The following SETBP1 variants were observed in gnomAD, a reference collection of about 807,000 sequenced individuals.
SETBP1 encodes SET binding protein 1.
Under a neutral mutation model 101.0 loss-of-function variants are expected in SETBP1, and 9 were observed. The ratio of observed to expected loss-of-function variants is 0.09; its 90% confidence interval spans 0.05 to 0.16. The LOEUF is 0.16. Among genes scored for constraint, SETBP1 ranks in the 10% least tolerant of loss-of-function variants. SETBP1 has a pLI of 1.00. For synonymous variants in SETBP1, 818 were observed against 788.5 expected (o/e 1.04, Z -0.63); for missense variants, 1,858 against 2,033.8 (o/e 0.91, Z 1.66).
chr18:44,923,685 A>T (rs1367928824), intron 3 of SETBP1, among the ~76,000 whole-genome samples: 1 of 152,228 alleles, frequency 6.6e-6, no homozygotes, highest in South Asian at 2.1e-4. Context: ...AACATTAAAC[A>T]GTTATCTTGA....
chr18:44,740,267 C>T (rs1434650862), intron 2 of SETBP1, among the ~76,000 whole-genome samples: 2 of 152,106 alleles, frequency 1.3e-5, no homozygotes, highest in Admixed American at 6.5e-5. Flanking sequence ...GAAGGTTGCC[C>T]ATTTTACCTT....
Position 44,869,340 on chromosome 18 carries a change from G to A in SETBP1, c.540+57G>A, listed in dbSNP as rs647155. 0.053 allele frequency: 80,830 copies of A among 1,531,066 alleles called. 2,476 individuals are homozygous for A. Among genetic ancestry groups the A allele is most frequent in the Middle Eastern group, 0.063 (372 of 5,908 alleles). The allele number at this position is 1,531,066 out of a possible 1,614,324, so 94.8% of individuals were successfully genotyped here. A position where few individuals can be genotyped will look rare whatever the true frequency, so the allele number is the denominator to read the frequency against. ...GAAGAGTAAAATGATCCAGAGTTTG[G>A]TTGTCAACAAGCACCTTTGGGGCCA... On this transcript the variant is annotated intron_variant, in intron 3 of 5. Coordinates refer to ENST00000649279, the MANE Select transcript of SETBP1 (RefSeq NM_015559.3).
chr18:44,961,618 T>C (rs2071612628), intron 4 of SETBP1, among the ~76,000 whole-genome samples: 1 of 152,282 alleles, frequency 6.6e-6, no homozygotes, highest in Admixed American at 6.5e-5. Flanking sequence ...AGAAACACAA[T>C]GCCAGATTCC....
chr18:44,971,240 G>A (rs1457851462), intron 4 of SETBP1, among the ~76,000 whole-genome samples: 1 of 152,172 alleles, frequency 6.6e-6, no homozygotes, highest in African/African-American at 2.4e-5. Context: ...ATTCCATGGT[G>A]TATATGTGCC....
chr18:44,698,330 C>T (rs1436810207), intron 1 of SETBP1, among the ~76,000 whole-genome samples: 3 of 152,196 alleles, frequency 2.0e-5, no homozygotes, highest in African/African-American at 7.2e-5. Context: ...ATTATTCCTT[C>T]TCCACTGCCA....
At chr18:44,756,011 C>T (rs1045082471) in intron 2 of SETBP1, among the ~76,000 whole-genome samples, 2 of 152,042 alleles carry the variant, frequency 1.3e-5, no homozygotes, top group South Asian at 2.1e-4. Context: ...GTCAGGAGAT[C>T]AAGACCATCC....
At chr18:44,868,662 T>G (rs2069182595) in intron 2 of SETBP1, among the ~76,000 whole-genome samples, 1 of 125,892 alleles carries the variant, frequency 7.9e-6, no homozygotes, top group African/African-American at 3.1e-5. Context: ...GCCACTGTAC[T>G]CCAGCGAGAG....
chr18:44,950,565 C>T lies in SETBP1; in HGVS notation c.1225C>T (p.Pro409Ser), dbSNP rs1740017619. Residue 409 changes from proline (P) to serine (S), a missense_variant, in exon 4 of 6, where the codon CCC (proline) becomes TCC (serine). By Grantham distance (74) the Pro-to-Ser change is moderately conservative. Around this residue, in one of 12 missense-constraint regions of SETBP1, gnomAD observed 581 missense variants for 535.1 expected, o/e 1.09. Coordinates refer to ENST00000649279, the MANE Select transcript of SETBP1 (RefSeq NM_015559.3). ...HVRITIPIKAPSLDPTNHKRK... is the reference protein window; with the variant it reads ...HVRITIPIKASSLDPTNHKRK... ...CCGGATTACTATCCCCATCAAGGCA[C>T]CCTCTCTGGATCCAACCAACCATAA... The T allele has an allele frequency of 6.2e-7, 1 of 1,614,058 alleles. No homozygotes were observed. The highest frequency in any genetic ancestry group is 1.1e-5 in the South Asian group (1 of 91,080).
intron 2 of SETBP1, among the ~76,000 whole-genome samples, chr18:44,709,157 TC>T (rs1003389871): frequency 1.3e-5 from 2 of 152,226 alleles, no homozygotes; most frequent in African/African-American, 2.4e-5. Context: ...CTTGGCTGTT[TC>T]CTCCTGGTTT....
intron 2 of SETBP1, among the ~76,000 whole-genome samples, chr18:44,739,500 G>A (rs2070051224): frequency 6.6e-6 from 1 of 152,084 alleles, no homozygotes; most frequent in South Asian, 2.1e-4. Flanking sequence ...AGAACTGTTG[G>A]AGTCATAATG....
intron 1 of SETBP1, among the ~76,000 whole-genome samples, chr18:44,690,561 G>C (rs527263482): frequency 4.3e-4 from 65 of 152,318 alleles, no homozygotes; most frequent in African/African-American, 1.5e-3. Context: ...TTTATAAATG[G>C]TGTGGTGGAG....
rs528054447 is a variant in SETBP1, at chr18:44,796,044, A to G, written c.487-73186A>G. Among the ~76,000 whole-genome samples the G allele has an allele frequency of 1.2e-4, 19 of 152,294 alleles. No homozygotes were observed. The South Asian group carries it at 3.5e-3, about 28-fold the overall frequency. On this transcript the variant is annotated intron_variant, in intron 2 of 5. Coordinates refer to ENST00000649279, the MANE Select transcript of SETBP1 (RefSeq NM_015559.3). ...ACTAACCTTCCAATTTGTGCTTCTAATCTGCTGTGGATGGGATACGACATA... is the reference window on the plus strand; with the variant it reads ...ACTAACCTTCCAATTTGTGCTTCTAGTCTGCTGTGGATGGGATACGACATA...
intron 2 of SETBP1, among the ~76,000 whole-genome samples, chr18:44,813,124 C>T (rs1370312220): frequency 6.6e-6 from 1 of 152,022 alleles, no homozygotes; most frequent in Non-Finnish European, 1.5e-5. Context: ...GTGACTTTGT[C>T]CACAAGTGTT....
chr18:44,697,620 T>C (rs986186803), intron 1 of SETBP1, among the ~76,000 whole-genome samples: 4 of 152,230 alleles, frequency 2.6e-5, no homozygotes, highest in Non-Finnish European at 5.9e-5. Flanking sequence ...GTCAGCATTA[T>C]ACAACTACAG....
rs780382672 is a variant in SETBP1, at chr18:44,989,391, C to G, written c.4000+36051C>G. ...GATTTGCTGAACTGGAAGATAGATC[C>G]AAAGAAATTATATGTAATATAGACA... On this transcript the variant is annotated intron_variant, in intron 4 of 5. Transcript: ENST00000649279. Among the ~76,000 whole-genome samples the G allele has an allele frequency of 5.3e-4, 81 of 151,618 alleles. 1 individual carries two copies. The highest frequency in any genetic ancestry group is 4.1e-4 in the Non-Finnish European group (28 of 67,936).
Position 44,967,561 on chromosome 18 carries a change from C to T in SETBP1, c.4000+14221C>T, listed in dbSNP as rs147952096. 4.6e-3 allele frequency among the ~76,000 whole-genome samples: 694 copies of T among 152,230 alleles called. 5 individuals are homozygous for T. Among genetic ancestry groups the T allele is most frequent in the African/African-American group, 0.015 (639 of 41,532 alleles). On this transcript the variant is annotated intron_variant, in intron 4 of 5. Coordinates refer to ENST00000649279, the MANE Select transcript of SETBP1 (RefSeq NM_015559.3). ...GGTGAGTACTCTGTTTAAGGTCTTA[C>T]GGAGCTGAAATCAGGTGTGGTCAGG... is the stretch of plus-strand genomic sequence containing the variant.
chr18:45,018,094 G>C (rs943654277), intron 4 of SETBP1, among the ~76,000 whole-genome samples: 1 of 151,978 alleles, frequency 6.6e-6, no homozygotes, highest in Non-Finnish European at 1.5e-5. Context: ...CTAACATCTG[G>C]GCTACAGATT....
chr18:44,693,207 G>T (rs1229660801), intron 1 of SETBP1, among the ~76,000 whole-genome samples: 1 of 152,068 alleles, frequency 6.6e-6, no homozygotes, highest in African/African-American at 2.4e-5. Flanking sequence ...TGAGTCAAGT[G>T]GTGTCTGTCT....
At chr18:45,010,007 G>A (rs1183241600) in intron 4 of SETBP1, among the ~76,000 whole-genome samples, 1 of 152,162 alleles carries the variant, frequency 6.6e-6, no homozygotes, top group Non-Finnish European at 1.5e-5. Flanking sequence ...CCTCGCCTGG[G>A]AGGTTCTGTT....
Sources: allele counts gnomAD v4.1 joint callset (sites outside exome capture counted in the v4.1 genomes callset), GRCh38; gene constraint gnomAD v4.1.1; regional missense constraint gnomAD v4.1.1; transcripts MANE v1.5; gene names NCBI Gene and HGNC (gene_info 2026-07-23, HGNC 2026-07-21).